GAD1: variants seen among roughly 807,000 people sequenced by gnomAD.
The protein encoded by GAD1 is 67 kDa glutamic acid decarboxylase.
GAD1 carries 35 observed loss-of-function variants against 75.2 expected under a neutral mutation model. The observed-to-expected ratio is 0.47, with a 90% CI of 0.36 to 0.62. GAD1 has a LOEUF of 0.62. Ranked by LOEUF, GAD1 falls within the 20% of genes least tolerant of loss-of-function variation. The pLI is 0.00. For missense variants in GAD1, 490 were observed against 758.5 expected, an observed-to-expected ratio of 0.65 and a Z score of 4.16; for synonymous variants, 257 against 271.9, an observed-to-expected ratio of 0.95 and a Z score of 0.54.
At chr2:170,831,672 ATATT>A (rs1307326770) in intron 5 of GAD1, among the ~76,000 whole-genome samples, 2 of 143,740 alleles carry the variant, frequency 1.4e-5, no homozygotes, top group East Asian at 1.9e-4. Context: ...TTATATATAA[ATATT>A]TAATATAATA....
intron 11 of GAD1, 104 bp from the exon 12 acceptor site, chr2:170,849,182 C>A: frequency 1.0e-6 from 1 of 977,458 alleles, no homozygotes; most frequent in Non-Finnish European, 1.6e-6. Context: ...ATGTTTTTCA[C>A]CTTGTACTTT....
At chr2:170,852,510 T>C in intron 12 of GAD1, 1 of 612,324 alleles carries the variant, frequency 1.6e-6, no homozygotes, top group Non-Finnish European at 3.0e-6. Flanking sequence ...CTATTGTTAA[T>C]AGCAGTTACT....
In GAD1 at chr2:170,832,743, ACT is replaced by A. The variant is rs528229259; in HGVS notation, c.547+1554_547+1555del. Among the ~76,000 whole-genome samples the A allele has an allele frequency of 3.9e-5, 6 of 151,970 alleles. No homozygotes were observed. The East Asian group carries it at 1.2e-3, about 29-fold the overall frequency. ...TACTGCAACTTCTGGAACTTAGGAC[ACT>A]CTGAGTCACCAAATTCTATTTCCAG... On this transcript the variant is annotated intron_variant, in intron 5 of 16. Transcript: ENST00000358196.
At chr2:170,822,206 G>C (rs1363789971) in intron 3 of GAD1, 57 bp downstream of exon 3, 1 of 1,441,080 alleles carries the variant, frequency 6.9e-7, no homozygotes, top group Non-Finnish European at 9.7e-7. Flanking sequence ...GGACCTTTGG[G>C]GCTTGGGAGA....
chr2:170,858,371 TG>T (rs1301608030), intron 15 of GAD1, among the ~76,000 whole-genome samples: 7 of 152,192 alleles, frequency 4.6e-5, no homozygotes, highest in African/African-American at 1.7e-4. Context: ...TCTTAATGTT[TG>T]TTATGATAGT....
chr2:170,831,594 A>ATGTATG (rs1553576115), intron 5 of GAD1, among the ~76,000 whole-genome samples: 2 of 122,804 alleles, frequency 1.6e-5, no homozygotes, highest in Non-Finnish European at 3.3e-5. Context: ...GTCTCTACAT[A>ATGTATG]TGTGTGTGTG....
At chr2:170,828,336 A>C (rs1188771319) in intron 3 of GAD1, among the ~76,000 whole-genome samples, 61 of 59,388 alleles carry the variant, frequency 1.0e-3, no homozygotes, top group Admixed American at 1.5e-3. Flanking sequence ...CTCTGCTGTC[A>C]TCTTCCTCCC....
At chr2:170,841,765 T>A in intron 6 of GAD1, among the ~76,000 whole-genome samples, 1 of 152,024 alleles carries the variant, frequency 6.6e-6, no homozygotes, top group East Asian at 1.9e-4. Flanking sequence ...CAGGAGAGAG[T>A]GTCAGGCCTA....
intron 7 of GAD1, among the ~76,000 whole-genome samples, chr2:170,845,091 T>C (rs1476594060): frequency 6.6e-6 from 1 of 152,252 alleles, no homozygotes; most frequent in African/African-American, 2.4e-5. Context: ...TAAGCTCCGT[T>C]ACTCTTTCTT....
intron 3 of GAD1, 177 bp from the exon 4 acceptor site, chr2:170,829,298 C>T (rs1351048821): frequency 4.4e-6 from 3 of 682,742 alleles, no homozygotes; most frequent in Non-Finnish European, 5.1e-6. Context: ...TTTGGCACTG[C>T]CCCCCTCCCT....
chr2:170,848,215 T>C (rs539430216), intron 11 of GAD1, among the ~76,000 whole-genome samples: 4 of 152,276 alleles, frequency 2.6e-5, no homozygotes, highest in South Asian at 2.1e-4. Context: ...AGGTTATATC[T>C]GGCTGGGCGC....
intron 12 of GAD1, 182 bp from the exon 13 acceptor site, chr2:170,852,532 G>C: frequency 1.5e-6 from 1 of 649,878 alleles, no homozygotes; most frequent in Non-Finnish European, 2.8e-6. Context: ...CTAAGATATA[G>C]TCCGTAATGT....
chr2:170,825,988 C>G (rs1702015373), intron 3 of GAD1, among the ~76,000 whole-genome samples: 1 of 152,154 alleles, frequency 6.6e-6, no homozygotes, highest in African/African-American at 2.4e-5. Context: ...CCTCTTCATC[C>G]TTGGAGAAGC....
At chr2:170,821,981 C>A in intron 2 of GAD1, 106 bp from the exon 3 acceptor site, 2 of 961,974 alleles carry the variant, frequency 2.1e-6, no homozygotes, top group Non-Finnish European at 3.2e-6. Context: ...TAATGAAGAG[C>A]TCTGGCAAAG....
chr2:170,830,058 C>T (rs1255987772), intron 4 of GAD1, among the ~76,000 whole-genome samples: 8 of 152,136 alleles, frequency 5.3e-5, no homozygotes, highest in Admixed American at 5.2e-4. Flanking sequence ...ACTTGTTTTC[C>T]TTTCAGAGAT....
chr2:170,854,479 C>T (rs1272977840), intron 14 of GAD1, among the ~76,000 whole-genome samples: 1 of 148,570 alleles, frequency 6.7e-6, no homozygotes, highest in Non-Finnish European at 1.5e-5. Context: ...CGGCTCACTG[C>T]AAGCTCCGCC....
At position 170,853,377 on chromosome 2, in the gene GAD1, G is replaced by A. The variant is rs969675389; in HGVS notation, c.1264-496G>A. On this transcript the variant is annotated intron_variant, in intron 13 of 16. Transcript: ENST00000358196. The surrounding 1 kb of genome is among the most constrained non-coding windows in gnomAD (Gnocchi z 4.1). ...CACACAGAAGCATTCCAAAAAGTCT[G>A]TCTCCAGCCTGTAGGAGCCAGAATC... 5.0e-6 allele frequency: 1 copy of A among 198,940 alleles called. No individual in the cohort carries two copies. The highest frequency in any genetic ancestry group is 2.3e-5 in the African/African-American group (1 of 43,046). The allele number at this position is 198,940 out of a possible 1,614,324, so 12.3% of individuals were successfully genotyped here.
Position 170,852,907 on chromosome 2 carries a change from C to T in GAD1, c.1263+115C>T, listed in dbSNP as rs995812795. 8 of 865,822 alleles carry T rather than the reference C, an allele frequency of 9.2e-6. No homozygotes were observed. In the Admixed American group the frequency reaches 9.7e-5, roughly 11 times the overall value. 53.6% of individuals were successfully genotyped at this position (865,822 alleles called of 1,614,324 possible). A position where few individuals can be genotyped will look rare whatever the true frequency, so the allele number is the denominator to read the frequency against. On this transcript the variant is annotated intron_variant, in intron 13 of 16. Transcript: ENST00000358196. ...TGGCTGACTCACGAGATTGGCAGCCCCACTGAGAGACTACTGCTGCTGTCC... is the reference window on the plus strand; with the variant it reads ...TGGCTGACTCACGAGATTGGCAGCCTCACTGAGAGACTACTGCTGCTGTCC...
At position 170,822,077 on chromosome 2, in the gene GAD1, CTCG is replaced by C; in HGVS notation, c.83-7_83-5del. 3.1e-6 allele frequency: 5 copies of C among 1,605,174 alleles called. No individual in the cohort carries two copies. Among genetic ancestry groups the C allele is most frequent in the Non-Finnish European group, 4.3e-6 (5 of 1,176,138 alleles). On this transcript the variant is annotated splice_region_variant and splice_polypyrimidine_tract_variant and intron_variant, in intron 2 of 16. Coordinates refer to ENST00000358196, the MANE Select transcript of GAD1 (RefSeq NM_000817.3). ...CCTAACCGAACCTCTCTCCCTCTCT[CTCG>C]TCCTAGCGTACGATACCTGGTGCGG... is the stretch of plus-strand genomic sequence containing the variant.
Sources: allele counts gnomAD v4.1 joint callset (sites outside exome capture counted in the v4.1 genomes callset), GRCh38; gene constraint gnomAD v4.1.1; non-coding constraint Gnocchi (gnomAD v3.1); transcripts MANE v1.5; gene names NCBI Gene and HGNC (gene_info 2026-07-23, HGNC 2026-07-21).